KIF5A: variants seen among roughly 807,000 people sequenced by gnomAD.
KIF5A encodes the protein kinesin family member 5A.
KIF5A carries 35 observed loss-of-function variants against 141.3 expected under a neutral mutation model. The observed-to-expected ratio is 0.25, with a 90% CI of 0.19 to 0.33. The LOEUF is 0.33. Among genes scored for constraint, KIF5A ranks in the 10% least tolerant of loss-of-function variants. The pLI, the probability that KIF5A is intolerant of heterozygous loss-of-function variation, is 1.00. For synonymous variants in KIF5A, 448 were observed against 500.2 expected (o/e 0.90, Z 1.39); for missense variants, 861 against 1,314.3 (o/e 0.66, Z 5.33).
chr12:57,581,211 G>A (rs756280638), intron 24 of KIF5A, 39 bp downstream of exon 24: 1 of 1,594,996 alleles, frequency 6.3e-7, no homozygotes, highest in South Asian at 1.1e-5. Context: ...AGTATCTCCT[G>A]AAGCAAATTT....
At chr12:57,573,622 G>A (rs949044107) in intron 15 of KIF5A, among the ~76,000 whole-genome samples, 14 of 151,922 alleles carry the variant, frequency 9.2e-5, no homozygotes, top group African/African-American at 3.4e-4. Flanking sequence ...CTGAGGTCAG[G>A]AGTTCGAGAC....
At chr12:57,581,312 T>C in intron 24 of KIF5A, 103 bp from the exon 25 acceptor site, 5 of 1,557,380 alleles carry the variant, frequency 3.2e-6, no homozygotes, top group Non-Finnish European at 4.4e-6. Context: ...AAAAAGTGAT[T>C]ATGTTACAAG....
chr12:57,582,805 C>A, intron 27 of KIF5A, 176 bp downstream of exon 27: 1 of 675,616 alleles, frequency 1.5e-6, no homozygotes, highest in Non-Finnish European at 2.6e-6. Context: ...TGCCTCAGTG[C>A]AGAATATCTC....
chr12:57,550,052 C>CG lies in KIF5A; in HGVS notation c.-219dup. 1.7e-6 allele frequency: 1 copy of CG among 572,830 alleles called. No homozygotes were observed. Among genetic ancestry groups the CG allele is most frequent in the Non-Finnish European group, 3.1e-6 (1 of 322,372 alleles). The allele number at this position is 572,830 out of a possible 1,614,324, so 35.5% of individuals were successfully genotyped here. A position where few individuals can be genotyped will look rare whatever the true frequency, so the allele number is the denominator to read the frequency against. On this transcript the variant is annotated 5_prime_UTR_variant, in exon 1 of 29. Coordinates refer to ENST00000455537, the MANE Select transcript of KIF5A (RefSeq NM_004984.4). The surrounding 1 kb of genome is among the most constrained non-coding windows in gnomAD (Gnocchi z 4.6). ...GCGAGGGGCGGAGAGGCAGAGAGCCCGAAAGGACCAGACGCCCAGGTCGCC... is the reference window on the plus strand; with the variant it reads ...GCGAGGGGCGGAGAGGCAGAGAGCCCGGAAAGGACCAGACGCCCAGGTCGCC...
intron 1 of KIF5A, among the ~76,000 whole-genome samples, chr12:57,557,303 C>A (rs927454682): frequency 2.6e-5 from 4 of 151,074 alleles, no homozygotes; most frequent in African/African-American, 9.7e-5. Flanking sequence ...ACATATTTTG[C>A]TTGTTTCTGT....
intron 3 of KIF5A, 65 bp downstream of exon 3, chr12:57,563,758 T>C: frequency 1.4e-6 from 2 of 1,418,844 alleles, no homozygotes; most frequent in Non-Finnish European, 2.0e-6. Flanking sequence ...GGAATCTCAG[T>C]GGGGGAAGGT....
intron 1 of KIF5A, among the ~76,000 whole-genome samples, chr12:57,553,526 A>T (rs560632842): frequency 1.3e-5 from 2 of 152,230 alleles, no homozygotes; most frequent in African/African-American, 4.8e-5. Context: ...AGTAACGTTC[A>T]TTGTGGCCAG....
intron 23 of KIF5A, among the ~76,000 whole-genome samples, chr12:57,579,103 C>T (rs1418998370): frequency 6.6e-6 from 1 of 152,002 alleles, no homozygotes; most frequent in Non-Finnish European, 1.5e-5. Context: ...GCCCAACCAG[C>T]CCCTGGTTGG....
At chr12:57,576,174 A>G in intron 18 of KIF5A, 23 bp downstream of exon 18, 1 of 1,612,484 alleles carries the variant, frequency 6.2e-7, no homozygotes, top group Non-Finnish European at 8.5e-7. Context: ...GGTGTCAGGG[A>G]CAATTGGGGC....
chr12:57,556,686 A>G (rs1252062815), intron 1 of KIF5A, among the ~76,000 whole-genome samples: 1 of 118,232 alleles, frequency 8.5e-6, no homozygotes, highest in African/African-American at 3.3e-5. Flanking sequence ...GTTGGTGCCC[A>G]TGTGTTTGTG....
Position 57,551,278 on chromosome 12 carries a change from A to G in KIF5A, c.129+878A>G, listed in dbSNP as rs183318269. 3.0e-4 allele frequency among the ~76,000 whole-genome samples: 46 copies of G among 152,312 alleles called. No individual in the cohort carries two copies. The East Asian group carries it at 7.9e-3, about 26-fold the overall frequency. On this transcript the variant is annotated intron_variant, in intron 1 of 28. Coordinates refer to ENST00000455537, the MANE Select transcript of KIF5A (RefSeq NM_004984.4). ...CGTATATTATTTAACCCCCAAAACA[A>G]CATTCAGAAGTAGTATCAATATTTC...
At chr12:57,555,539 C>T (rs183194756) in intron 1 of KIF5A, among the ~76,000 whole-genome samples, 176 of 151,422 alleles carry the variant, frequency 1.2e-3, no homozygotes, top group Non-Finnish European at 1.9e-3. Flanking sequence ...TGCAGTGAGC[C>T]GAGATCTTGC....
chr12:57,560,710 G>A (rs1337519332), intron 1 of KIF5A, among the ~76,000 whole-genome samples: 1 of 152,020 alleles, frequency 6.6e-6, no homozygotes. Flanking sequence ...TAATTTATGA[G>A]AGTTTTTAAG....
rs143260492 is a variant in KIF5A, at chr12:57,576,824, C to T, written c.2262C>T (p.Ser754=). 80 of 1,613,708 alleles carry T rather than the reference C, an allele frequency of 5.0e-5. No homozygotes were observed. The highest frequency in any genetic ancestry group is 4.1e-4 in the South Asian group (37 of 91,028). Reference sequence around the variant, plus strand: ...AGGCTGACTACGAGAAGCTGAAGAGCGAAGAACACGAGAAGAGCACCAAGC... The same window carrying T: ...AGGCTGACTACGAGAAGCTGAAGAGTGAAGAACACGAGAAGAGCACCAAGC... ...KLQADYEKLK[S]EEHEKSTKLQ... The change falls in exon 20 of 29, where the codon AGC becomes AGT. Residue 754 remains serine, a synonymous_variant. Transcript: ENST00000455537.
In KIF5A at chr12:57,582,891, C is replaced by T. The variant is rs193099106; in HGVS notation, c.3021-210C>T. 5.9e-4 allele frequency: 379 copies of T among 643,096 alleles called. 1 individual carries two copies. In the African/African-American group the frequency reaches 6.0e-3, roughly 10 times the overall value. The allele number at this position is 643,096 out of a possible 1,614,324, so 39.8% of individuals were successfully genotyped here. On this transcript the variant is annotated intron_variant, in intron 27 of 28. Transcript: ENST00000455537. ...GGACGAAAACAACGTGGGCATCTGACGACTGGGTTTCTCTCCTACCTTTGG... is the reference window on the plus strand; with the variant it reads ...GGACGAAAACAACGTGGGCATCTGATGACTGGGTTTCTCTCCTACCTTTGG...
At chr12:57,565,602 G>T (rs542007926) in intron 6 of KIF5A, among the ~76,000 whole-genome samples, 2 of 150,766 alleles carry the variant, frequency 1.3e-5, no homozygotes, top group Non-Finnish European at 2.9e-5. Flanking sequence ...AGCAAGACCC[G>T]TCTCTCTTAT....
chr12:57,565,118 A>T lies in KIF5A; in HGVS notation c.501+145A>T. On this transcript the variant is annotated intron_variant, in intron 6 of 28. Coordinates refer to ENST00000455537, the MANE Select transcript of KIF5A (RefSeq NM_004984.4). ...CTAGGGGCCAGGGAGAGTCTAGGGG[A>T]TCAGAAAAGATACTGTCTTGGCTGG... 4 of 746,674 alleles carry T rather than the reference A, an allele frequency of 5.4e-6. 1 individual carries two copies. The South Asian group carries it at 6.3e-5, about 12-fold the overall frequency. The allele number at this position is 746,674 out of a possible 1,614,324, so 46.3% of individuals were successfully genotyped here.
At position 57,572,775 on chromosome 12, in the gene KIF5A, G is replaced by C; in HGVS notation, c.1716+49G>C. On this transcript the variant is annotated intron_variant, in intron 15 of 28. Transcript: ENST00000455537. This position sits in a 1 kb window ranked among gnomAD's most constrained non-coding sequence, Gnocchi z 4.2. Reference sequence around the variant, plus strand: ...TTGTTCAGGCTGGGCACTAGTGGAAGACGCAAGATGAGCCATCCAGGCCTT... The same window carrying C: ...TTGTTCAGGCTGGGCACTAGTGGAACACGCAAGATGAGCCATCCAGGCCTT... 1.2e-6 allele frequency: 2 copies of C among 1,610,274 alleles called. No homozygotes were observed. Among genetic ancestry groups the C allele is most frequent in the Non-Finnish European group, 1.7e-6 (2 of 1,176,576 alleles).
chr12:57,570,178 C>T lies in KIF5A; in HGVS notation c.1293+16C>T, dbSNP rs375600786. ...TGACGACAAGGTGAGGGCGGCCAGGCAGGGCACTGAGGCACGCCAGGTGGG... is the reference window on the plus strand; with the variant it reads ...TGACGACAAGGTGAGGGCGGCCAGGTAGGGCACTGAGGCACGCCAGGTGGG... On this transcript the variant is annotated intron_variant, in intron 12 of 28. Coordinates refer to ENST00000455537, the MANE Select transcript of KIF5A (RefSeq NM_004984.4). 4 of 1,612,306 alleles carry T rather than the reference C, an allele frequency of 2.5e-6. No homozygotes were observed. Among genetic ancestry groups the T allele is most frequent in the Non-Finnish European group, 3.4e-6 (4 of 1,179,490 alleles).
Sources: allele counts gnomAD v4.1 joint callset (sites outside exome capture counted in the v4.1 genomes callset), GRCh38; gene constraint gnomAD v4.1.1; non-coding constraint Gnocchi (gnomAD v3.1); transcripts MANE v1.5; gene names NCBI Gene and HGNC (gene_info 2026-07-23, HGNC 2026-07-21).